Variants in NCAM1 observed in about 807,000 individuals in gnomAD.
NCAM1 encodes antigen recognized by monoclonal antibody 5.1H11.
In NCAM1, 14 loss-of-function variants were observed where a neutral mutation model predicts 109.8. That is an observed-to-expected ratio of 0.13 (90% CI 0.08 to 0.20). NCAM1 has a LOEUF of 0.20. Ranked by LOEUF, NCAM1 falls within the 10% of genes least tolerant of loss-of-function variation. NCAM1 has a pLI of 1.00. For synonymous variants in NCAM1, 418 were observed against 442.9 expected (o/e 0.94, Z 0.70); for missense variants, 774 against 1,109.9 (o/e 0.70, Z 4.30).
intron 1 of NCAM1, among the ~76,000 whole-genome samples, chr11:113,123,020 G>T (rs868918052): frequency 6.6e-6 from 1 of 152,168 alleles, no homozygotes; most frequent in Admixed American, 6.5e-5. Context: ...TCTCAAGGAG[G>T]TAGAGAGTAG....
At chr11:113,185,847 G>C (rs946573221) in intron 1 of NCAM1, among the ~76,000 whole-genome samples, 3 of 152,168 alleles carry the variant, frequency 2.0e-5, no homozygotes, top group African/African-American at 7.2e-5. Context: ...TTTAAAACTA[G>C]AACCACAGTG....
intron 15 of NCAM1, among the ~76,000 whole-genome samples, chr11:113,250,059 C>T (rs1945624460): frequency 6.6e-6 from 1 of 152,174 alleles, no homozygotes; most frequent in African/African-American, 2.4e-5. Flanking sequence ...GGCAAAGATT[C>T]TGGTCACTCA....
At chr11:113,073,689 C>T (rs1315657697) in intron 1 of NCAM1, among the ~76,000 whole-genome samples, 1 of 152,166 alleles carries the variant, frequency 6.6e-6, no homozygotes. Flanking sequence ...TGAAAAAAAC[C>T]TTTTACAAAA....
At chr11:112,984,825 G>T (rs1167023807) in intron 1 of NCAM1, among the ~76,000 whole-genome samples, 1 of 151,710 alleles carries the variant, frequency 6.6e-6, no homozygotes, top group Admixed American at 6.6e-5. Flanking sequence ...ATGGTTTACA[G>T]ATATTTTCTC....
chr11:113,211,403 G>A (rs1944388622), intron 7 of NCAM1, among the ~76,000 whole-genome samples: 3 of 152,230 alleles, frequency 2.0e-5, no homozygotes, highest in South Asian at 4.1e-4. Context: ...GACATCATTT[G>A]TATCTAAGTG....
At chr11:113,128,212 G>A (rs117679715) in intron 1 of NCAM1, among the ~76,000 whole-genome samples, 1 of 152,134 alleles carries the variant, frequency 6.6e-6, no homozygotes, top group Non-Finnish European at 1.5e-5. Flanking sequence ...TCACTGCTCG[G>A]GCCTTGCGTG....
At chr11:113,201,852 A>G (rs528589400) in intron 1 of NCAM1, among the ~76,000 whole-genome samples, 1 of 152,286 alleles carries the variant, frequency 6.6e-6, no homozygotes, top group South Asian at 2.1e-4. Flanking sequence ...CCACTTCAAA[A>G]TCAGTGTGAG....
At chr11:113,173,117 C>T (rs1487345696) in intron 1 of NCAM1, among the ~76,000 whole-genome samples, 1 of 152,150 alleles carries the variant, frequency 6.6e-6, no homozygotes, top group Non-Finnish European at 1.5e-5. Context: ...AATGCCTGCA[C>T]AACTGCCGTG....
chr11:113,207,633 G>T (rs906894322), intron 6 of NCAM1, among the ~76,000 whole-genome samples, 200 bp from the exon 7 acceptor site: 6 of 152,184 alleles, frequency 3.9e-5, no homozygotes, highest in Non-Finnish European at 5.9e-5. Context: ...TGTGGGTACA[G>T]TTGCAGCCCT....
At chr11:113,221,859 G>C (rs150545166) in intron 9 of NCAM1, 1 of 153,654 alleles carries the variant, frequency 6.5e-6, no homozygotes, top group Non-Finnish European at 1.5e-5. Flanking sequence ...ATTGCTAAAC[G>C]TATCTCTGTT....
intron 1 of NCAM1, among the ~76,000 whole-genome samples, chr11:113,048,662 A>G (rs11214471): frequency 0.057 from 8,609 of 152,272 alleles, 370 homozygotes; most frequent in Non-Finnish European, 0.08. Flanking sequence ...TAAGGCATCC[A>G]TGGTCTAGTG....
chr11:113,052,008 A>G (rs899828004), intron 1 of NCAM1, among the ~76,000 whole-genome samples: 5 of 152,230 alleles, frequency 3.3e-5, no homozygotes, highest in Admixed American at 3.3e-4. Context: ...CTGTGGCCGC[A>G]TGAACTCTGA....
chr11:113,121,006 A>G (rs1392584042), intron 1 of NCAM1, among the ~76,000 whole-genome samples: 1 of 152,120 alleles, frequency 6.6e-6, no homozygotes, highest in Non-Finnish European at 1.5e-5. Context: ...CCTCTGTGAT[A>G]TGAGTTTTCA....
intron 1 of NCAM1, among the ~76,000 whole-genome samples, chr11:113,017,357 T>C (rs188770221): frequency 4.6e-5 from 7 of 152,356 alleles, no homozygotes; most frequent in Non-Finnish European, 1.0e-4. Context: ...ACAAAGTTAT[T>C]ATGCTTTTCA....
chr11:113,201,544 A>G (rs1312931863), intron 1 of NCAM1, among the ~76,000 whole-genome samples: 1 of 152,256 alleles, frequency 6.6e-6, no homozygotes, highest in Non-Finnish European at 1.5e-5. Context: ...TTCATGAGGA[A>G]TGGTTGTCTG....
chr11:113,250,855 T>G (rs1945656046), intron 15 of NCAM1, among the ~76,000 whole-genome samples: 1 of 152,242 alleles, frequency 6.6e-6, no homozygotes. Context: ...TGGAGTGCAG[T>G]GGTGCGATCT....
chr11:113,237,730 G>A lies in NCAM1; in HGVS notation c.1825+2566G>A, dbSNP rs1450461104. Among the ~76,000 whole-genome samples the A allele has an allele frequency of 3.3e-5, 5 of 152,090 alleles. No homozygotes were observed. The East Asian group carries it at 9.6e-4, about 29-fold the overall frequency. ...TTAAAGAGAGGAAGGCTGGGATGAG[G>A]CCCCCCTCTGAGTTTCTAACCAGTA... On this transcript the variant is annotated intron_variant, in intron 14 of 19. Coordinates refer to ENST00000316851, the MANE Select transcript of NCAM1 (RefSeq NM_181351.5).
chr11:113,020,126 C>T (rs1287408389), intron 1 of NCAM1, among the ~76,000 whole-genome samples: 3 of 152,216 alleles, frequency 2.0e-5, no homozygotes, highest in Non-Finnish European at 4.4e-5. Flanking sequence ...TAACCCCTTA[C>T]TTGTTCGCTG....
At chr11:113,131,280 G>T (rs782270854) in intron 1 of NCAM1, among the ~76,000 whole-genome samples, 12 of 152,184 alleles carry the variant, frequency 7.9e-5, no homozygotes, top group Admixed American at 2.6e-4. Flanking sequence ...GTCATGGCCT[G>T]TCAGGAGCCT....
Sources: allele counts gnomAD v4.1 joint callset (sites outside exome capture counted in the v4.1 genomes callset), GRCh38; gene constraint gnomAD v4.1.1; transcripts MANE v1.5; gene names NCBI Gene and HGNC (gene_info 2026-07-23, HGNC 2026-07-21).